Variants in DPP6 observed in about 807,000 individuals in gnomAD.
DPP6 encodes the protein A-type potassium channel modulatory protein DPP6.
DPP6 carries 69 observed loss-of-function variants against 122.6 expected under a neutral mutation model. That is an observed-to-expected ratio of 0.56 (90% confidence interval 0.46 to 0.69). The LOEUF (loss-of-function observed/expected upper bound fraction) is 0.69, where lower values mean the gene tolerates loss of function less well. Ranked by LOEUF, DPP6 falls within the 30% of genes least tolerant of loss-of-function variation. The probability of loss-of-function intolerance (pLI) is 0.00; values close to 1 mark genes in which losing one functional copy is unlikely to be tolerated. For missense variants in DPP6, 928 were observed against 1,116.9 expected (o/e 0.83, Z 2.41); for synonymous variants, 418 against 433.1 (o/e 0.97, Z 0.43).
intron 1 of DPP6, among the ~76,000 whole-genome samples, chr7:154,000,772 G>A (rs1797652675): frequency 6.6e-6 from 1 of 152,046 alleles, no homozygotes; most frequent in Admixed American, 6.6e-5. Context: ...AATCCAAACA[G>A]CACTCTATGG....
At chr7:154,695,135 T>G (rs1840144495) in intron 7 of DPP6, among the ~76,000 whole-genome samples, 1 of 152,200 alleles carries the variant, frequency 6.6e-6, no homozygotes, top group Non-Finnish European at 1.5e-5. Context: ...ACTACAGGGC[T>G]GGCGGCAAGG....
Position 154,892,497 on chromosome 7 carries a change from G to C in DPP6, c.*17G>C, listed in dbSNP as rs1806704062. ...GAGGACTAAGCTCAGGTCGCTCTAAGCACAAACGTGGCTCTTTCTACAACC... is the reference window on the plus strand; with the variant it reads ...GAGGACTAAGCTCAGGTCGCTCTAACCACAAACGTGGCTCTTTCTACAACC... On this transcript the variant is annotated 3_prime_UTR_variant, in exon 26 of 26. Coordinates refer to ENST00000377770, the MANE Select transcript of DPP6 (RefSeq NM_130797.4). The C allele has an allele frequency of 6.4e-7, 1 of 1,559,454 alleles. No homozygotes were observed. Among genetic ancestry groups the C allele is most frequent in the South Asian group, 1.1e-5 (1 of 90,508 alleles).
intron 7 of DPP6, among the ~76,000 whole-genome samples, chr7:154,720,765 G>A (rs1017134732): frequency 6.6e-6 from 1 of 152,236 alleles, no homozygotes; most frequent in Admixed American, 6.5e-5. Flanking sequence ...AAAAAGGGGT[G>A]GGCAGCCCCT....
chr7:153,977,236 G>C (rs561276063), intron 1 of DPP6, among the ~76,000 whole-genome samples: 7 of 149,884 alleles, frequency 4.7e-5, no homozygotes, highest in Non-Finnish European at 1.0e-4. Context: ...CCTTTGCTTT[G>C]ATCAGCTTTT....
At chr7:154,488,409 A>G (rs1232974123) in intron 3 of DPP6, among the ~76,000 whole-genome samples, 1 of 151,880 alleles carries the variant, frequency 6.6e-6, no homozygotes, top group Non-Finnish European at 1.5e-5. Flanking sequence ...AGATTGCGTC[A>G]CTGCACTCCA....
chr7:154,499,684 C>A (rs1206510521), intron 3 of DPP6, among the ~76,000 whole-genome samples: 4 of 152,068 alleles, frequency 2.6e-5, no homozygotes, highest in East Asian at 3.8e-4. Flanking sequence ...TGAAACCTCA[C>A]CCTTAGCTTG....
At chr7:154,032,501 C>T (rs1178887471) in intron 1 of DPP6, among the ~76,000 whole-genome samples, 14 of 152,210 alleles carry the variant, frequency 9.2e-5, no homozygotes, top group African/African-American at 3.4e-4. Flanking sequence ...TTTATCTAAG[C>T]CCAGACAGCC....
intron 7 of DPP6, among the ~76,000 whole-genome samples, chr7:154,692,323 G>C (rs1839975574): frequency 6.6e-6 from 1 of 152,178 alleles, no homozygotes; most frequent in Admixed American, 6.5e-5. Flanking sequence ...GGAAGATTAA[G>C]ATACTTATTT....
intron 1 of DPP6, among the ~76,000 whole-genome samples, chr7:154,071,814 A>T (rs1394742805): frequency 2.0e-5 from 3 of 152,222 alleles, no homozygotes; most frequent in Non-Finnish European, 4.4e-5. Flanking sequence ...CCGTTGTCTT[A>T]CTGCTGGGGA....
intron 1 of DPP6, among the ~76,000 whole-genome samples, chr7:153,979,558 C>G (rs1796475552): frequency 1.3e-5 from 2 of 152,194 alleles, no homozygotes; most frequent in Non-Finnish European, 2.9e-5. Context: ...CCTGATTGCC[C>G]TGGCAAGAAC....
the DPP6 span, among the ~76,000 whole-genome samples, chr7:153,821,909 TG>T: frequency 6.6e-6 from 1 of 152,168 alleles, no homozygotes; most frequent in Non-Finnish European, 1.5e-5. Context: ...ATTCTGCTGC[TG>T]GTGGCTTTTC....
At chr7:153,837,655 C>A in the DPP6 span, among the ~76,000 whole-genome samples, 1 of 151,982 alleles carries the variant, frequency 6.6e-6, no homozygotes, top group South Asian at 2.1e-4. Context: ...CATCAAATAA[C>A]AATGCCCTTT....
chr7:154,203,401 C>A (rs2038309512), intron 1 of DPP6, among the ~76,000 whole-genome samples: 1 of 152,218 alleles, frequency 6.6e-6, no homozygotes, highest in Non-Finnish European at 1.5e-5. Flanking sequence ...TTGAAGCCAT[C>A]TGAAGGTGAC....
In DPP6 at chr7:154,892,130, C is replaced by T. The variant is rs988971469; in HGVS notation, c.2452-204C>T. On this transcript the variant is annotated intron_variant, in intron 25 of 25. Coordinates refer to ENST00000377770, the MANE Select transcript of DPP6 (RefSeq NM_130797.4). The stretch of plus-strand genomic sequence containing the variant: ...TGCATGTCCACGCTAGGGGAGGCGC[C>T]CCTCTGACTGGGACAGCCAGGCAGA... Among the ~76,000 whole-genome samples the T allele has an allele frequency of 3.9e-5, 6 of 152,146 alleles. No homozygotes were observed. In the East Asian group the frequency reaches 7.7e-4, roughly 20 times the overall value.
At chr7:153,867,064 A>C in the DPP6 span, among the ~76,000 whole-genome samples, 1 of 152,268 alleles carries the variant, frequency 6.6e-6, no homozygotes, top group East Asian at 1.9e-4. Context: ...CTTGTAGTAT[A>C]GTTTGAAGTC....
the DPP6 span, among the ~76,000 whole-genome samples, chr7:153,767,779 A>C: frequency 4.6e-5 from 7 of 152,178 alleles, 1 homozygote; most frequent in African/African-American, 7.2e-5. Flanking sequence ...CACATTTTTA[A>C]ATGTGCATCA....
At chr7:153,939,499 A>T (rs1295148761) in intron 1 of DPP6, among the ~76,000 whole-genome samples, 1 of 152,244 alleles carries the variant, frequency 6.6e-6, no homozygotes, top group African/African-American at 2.4e-5. Flanking sequence ...TATAGTTGTG[A>T]CAGAGACACA....
At chr7:154,715,766 G>A (rs1841450676) in intron 7 of DPP6, among the ~76,000 whole-genome samples, 1 of 152,148 alleles carries the variant, frequency 6.6e-6, no homozygotes, top group Non-Finnish European at 1.5e-5. Flanking sequence ...GGTTTTGCCT[G>A]TCATCCATAG....
intron 1 of DPP6, among the ~76,000 whole-genome samples, chr7:154,194,828 C>G (rs1798785535): frequency 1.3e-5 from 2 of 152,134 alleles, no homozygotes; most frequent in Admixed American, 1.3e-4. Flanking sequence ...TGGATTTTGT[C>G]TTGTTTTATT....
Sources: gnomAD v4.1 joint callset for allele counts (sites outside exome capture counted in the v4.1 genomes callset) on GRCh38, gnomAD v4.1.1 for gene constraint, MANE v1.5 for transcripts, NCBI Gene and HGNC (gene_info 2026-07-23, HGNC 2026-07-21) for gene names.